Variants in RAB11FIP3 observed in about 807,000 individuals in gnomAD.
RAB11FIP3 encodes rab11 family-interacting protein 3.
In RAB11FIP3, 17 loss-of-function variants were observed where a neutral mutation model predicts 77.8. The observed-to-expected ratio is 0.22, with a 90% confidence interval of 0.15 to 0.33. The LOEUF (loss-of-function observed/expected upper bound fraction) is 0.33. Ranked by LOEUF, RAB11FIP3 falls within the 10% of genes least tolerant of loss-of-function variation. The probability of loss-of-function intolerance (pLI) is 1.00; values close to 1 mark genes in which losing one functional copy is unlikely to be tolerated. For missense variants in RAB11FIP3, 1,005 were observed against 1,011.2 expected, an observed-to-expected ratio of 0.99 and a Z score of 0.08; for synonymous variants, 437 against 448.2, an observed-to-expected ratio of 0.98 and a Z score of 0.31.
At chr16:511,315 C>T (rs2032149810) in intron 9 of RAB11FIP3, among the ~76,000 whole-genome samples, 1 of 136,622 alleles carries the variant, frequency 7.3e-6, no homozygotes, top group Non-Finnish European at 1.6e-5. Context: ...CCCGCCCACC[C>T]CAGAAACTGC....
At chr16:436,682 ATGT>A (rs1330923430) in intron 1 of RAB11FIP3, among the ~76,000 whole-genome samples, 2 of 152,002 alleles carry the variant, frequency 1.3e-5, no homozygotes, top group Admixed American at 6.6e-5. Flanking sequence ...AGGTTTTGCC[ATGT>A]TGTTAGCCTG....
chr16:509,879 G>A (rs1459871088), intron 8 of RAB11FIP3, among the ~76,000 whole-genome samples: 1 of 152,218 alleles, frequency 6.6e-6, no homozygotes, highest in East Asian at 1.9e-4. Flanking sequence ...TTTGGGTGAT[G>A]TGCCATGAAC....
At chr16:487,131 CTTTTTT>C (rs34597208) in intron 4 of RAB11FIP3, among the ~76,000 whole-genome samples, 5 of 134,504 alleles carry the variant, frequency 3.7e-5, no homozygotes, top group Admixed American at 7.5e-5. Context: ...GTTTTGGTTT[CTTTTTT>C]TTTTTTTTTT....
intron 1 of RAB11FIP3, among the ~76,000 whole-genome samples, chr16:442,121 G>A (rs912423773): frequency 2.0e-5 from 3 of 152,210 alleles, no homozygotes; most frequent in African/African-American, 7.2e-5. Context: ...ACAGGCATGA[G>A]CCACCGCGCC....
chr16:452,183 A>C (rs947717323), intron 1 of RAB11FIP3, among the ~76,000 whole-genome samples: 1 of 151,314 alleles, frequency 6.6e-6, no homozygotes, highest in Non-Finnish European at 1.5e-5. Context: ...AACAAACAAA[A>C]AATCAGCTGG....
intron 1 of RAB11FIP3, among the ~76,000 whole-genome samples, chr16:435,097 C>T (rs531055857): frequency 1.8e-4 from 27 of 151,102 alleles, no homozygotes; most frequent in African/African-American, 3.6e-4. Flanking sequence ...CCCAGCTACT[C>T]GGGAGGCTGA....
intron 3 of RAB11FIP3, among the ~76,000 whole-genome samples, chr16:482,170 G>A (rs551262052): frequency 1.4e-5 from 2 of 141,006 alleles, no homozygotes; most frequent in East Asian, 2.1e-4. Flanking sequence ...AAGCTCCTCC[G>A]TCAGTCTCTT....
rs56771770 is a variant in RAB11FIP3 at position 500,687 on chromosome 16, CAAAAAAAAAAA to C, written c.1302-2298_1302-2288del. Among the ~76,000 whole-genome samples the C allele has an allele frequency of 1.9e-3, 42 of 22,308 alleles. 1 individual carries two copies. The highest frequency in any genetic ancestry group is 7.7e-3 in the African/African-American group (31 of 4,006). 14.6% of individuals were successfully genotyped at this position (22,308 alleles called of 152,430 possible). A position where few individuals can be genotyped will look rare whatever the true frequency, so the allele number is the denominator to read the frequency against. Reference sequence around the variant, plus strand: ...CAGGTGACAGTGCAAGACTCTGTCGCAAAAAAAAAAAAAAAAAAAAAAAAAAAAATTAAATA... The same window carrying C: ...CAGGTGACAGTGCAAGACTCTGTCGCAAAAAAAAAAAAAAAAAATTAAATA... On this transcript the variant is annotated intron_variant, in intron 6 of 13. Transcript: ENST00000262305.
chr16:426,330 A>C lies in RAB11FIP3; in HGVS notation c.324A>C (p.Pro108=). Residue 108 remains proline (P), a synonymous_variant, in exon 1 of 14, where the codon CCA becomes CCC. Coordinates refer to ENST00000262305, the MANE Select transcript of RAB11FIP3 (RefSeq NM_014700.4). The surrounding 1 kb of genome is among the most constrained non-coding windows in gnomAD (Gnocchi z 5.0). ...TTGCGAGCCCCGACGCCCCGGGCCC[A>C]GGGCCGCGCTCCGAAGCGCCGCTTC... ...GQLASPDAPG[P]GPRSEAPLPE... 1 of 1,473,164 alleles carries C rather than the reference A, an allele frequency of 6.8e-7. No homozygotes were observed. The allele number at this position is 1,473,164 out of a possible 1,614,324, so 91.3% of individuals were successfully genotyped here.
At chr16:488,787 C>A in intron 4 of RAB11FIP3, 64 bp from the exon 5 acceptor site, 1 of 1,555,070 alleles carries the variant, frequency 6.4e-7, no homozygotes, top group Non-Finnish European at 8.8e-7. Context: ...GCACCTTCCA[C>A]ACCCTCAGCT....
intron 1 of RAB11FIP3, among the ~76,000 whole-genome samples, chr16:428,664 G>T (rs2054990006): frequency 6.6e-6 from 1 of 152,132 alleles, no homozygotes; most frequent in Non-Finnish European, 1.5e-5. Flanking sequence ...AGTAGAACTA[G>T]GTCTTTTGGC....
chr16:450,265 G>A (rs1212893488), intron 1 of RAB11FIP3, among the ~76,000 whole-genome samples: 1 of 152,058 alleles, frequency 6.6e-6, no homozygotes, highest in Non-Finnish European at 1.5e-5. Flanking sequence ...TGCCTCCCGG[G>A]CTCAAGCGAT....
At chr16:510,547 T>C in intron 8 of RAB11FIP3, 113 bp from the exon 9 acceptor site, 6 of 1,249,114 alleles carry the variant, frequency 4.8e-6, no homozygotes, top group Non-Finnish European at 6.5e-6. Flanking sequence ...CTCGGTGCCC[T>C]ACTCCCGAGT....
At chr16:497,834 G>A (rs559253331) in intron 6 of RAB11FIP3, among the ~76,000 whole-genome samples, 5 of 151,600 alleles carry the variant, frequency 3.3e-5, no homozygotes, top group Non-Finnish European at 7.4e-5. Flanking sequence ...GATTTTTGAC[G>A]GCATTGCTTA....
intron 5 of RAB11FIP3, among the ~76,000 whole-genome samples, chr16:491,972 C>T (rs8046216): frequency 0.017 from 2,587 of 152,256 alleles, 74 homozygotes; most frequent in African/African-American, 0.053. Flanking sequence ...TCCTGAAGAA[C>T]GGGACCTGGC....
rs1567391777 is a variant in RAB11FIP3, at chr16:492,361, CTTCCCGGGAGACCCGAGGCCGCCCAGAG to C, written c.1265+3362_1265+3389del. On this transcript the variant is annotated intron_variant, in intron 5 of 13. Coordinates refer to ENST00000262305, the MANE Select transcript of RAB11FIP3 (RefSeq NM_014700.4). The stretch of plus-strand genomic sequence containing the variant: ...AGCAGAAGTGCTCTTTGAAGAGGGT[CTTCCCGGGAGACCCGAGGCCGCCCAGAG>C]CCCTCCCCGGGAGACCCGAGGCCGC... Among the ~76,000 whole-genome samples the C allele has an allele frequency of 2.2e-4, 30 of 139,248 alleles. No homozygotes were observed. The East Asian group carries it at 4.4e-3, about 21-fold the overall frequency. The allele number at this position is 139,248 out of a possible 152,430, so 91.4% of individuals were successfully genotyped here.
intron 1 of RAB11FIP3, among the ~76,000 whole-genome samples, chr16:428,923 G>A (rs1386177833): frequency 6.6e-6 from 1 of 152,070 alleles, no homozygotes; most frequent in Non-Finnish European, 1.5e-5. Context: ...TTCGAAGGTT[G>A]GGGGCAAGGG....
chr16:494,714 A>G (rs1380708763), intron 5 of RAB11FIP3, among the ~76,000 whole-genome samples: 1 of 152,208 alleles, frequency 6.6e-6, no homozygotes, highest in East Asian at 1.9e-4. Context: ...GTTTAATACT[A>G]CAAAGAATGG....
chr16:492,507 C>CCCAGGGCCCTCCCCGGGAGACCCGAGG (rs2030625857), intron 5 of RAB11FIP3, among the ~76,000 whole-genome samples: 1 of 56,276 alleles, frequency 1.8e-5, no homozygotes, highest in African/African-American at 9.4e-5. Flanking sequence ...CCCGAGGCCG[C>CCCAGGGCCCTCCCCGGGAGACCCGAGG]CCAGGGCCCT....
Sources: gnomAD v4.1 joint callset for allele counts (sites outside exome capture counted in the v4.1 genomes callset) on GRCh38, gnomAD v4.1.1 for gene constraint, Gnocchi (gnomAD v3.1) non-coding constraint, MANE v1.5 for transcripts, NCBI Gene and HGNC (gene_info 2026-07-23, HGNC 2026-07-21) for gene names.